The following SYNE3 variants were observed in gnomAD, a reference collection of about 807,000 sequenced individuals.
The protein encoded by SYNE3 is nesprin-3.
SYNE3 carries 100 observed loss-of-function variants against 111.2 expected under a neutral mutation model. The observed-to-expected ratio is 0.90, with a 90% confidence interval of 0.77 to 1.06. The LOEUF is 1.06. Ranked by LOEUF, SYNE3 falls within the 50% of genes least tolerant of loss-of-function variation. SYNE3 has a pLI of 0.00. For missense variants in SYNE3, 1,160 were observed against 1,240.3 expected (o/e 0.94, Z 0.97); for synonymous variants, 547 against 533.9 (o/e 1.02, Z -0.34).
At chr14:95,512,930 CAG>C (rs1285943417) in intron 1 of SYNE3, among the ~76,000 whole-genome samples, 3 of 152,102 alleles carry the variant, frequency 2.0e-5, no homozygotes, top group Non-Finnish European at 4.4e-5. Context: ...ACTGAAGAAA[CAG>C]AACATAATGG....
chr14:95,445,660 G>T (rs1886669528), intron 9 of SYNE3, among the ~76,000 whole-genome samples: 1 of 152,232 alleles, frequency 6.6e-6, no homozygotes, highest in East Asian at 1.9e-4. Flanking sequence ...TTTGATTGCA[G>T]GGGGTTTGGG....
chr14:95,440,621 C>A (rs756943946), intron 11 of SYNE3, among the ~76,000 whole-genome samples: 1 of 152,204 alleles, frequency 6.6e-6, no homozygotes, highest in Non-Finnish European at 1.5e-5. Context: ...TAACCACATG[C>A]AATACAGCAG....
rs1381836356 is a variant in SYNE3 at position 95,465,340 on chromosome 14, T to TA, written c.627+590_627+591insT. On this transcript the variant is annotated intron_variant, in intron 4 of 17. Transcript: ENST00000682763. ...CACTGGGTATCTGGACGGTAGATAA[T>TA]GGTGAGTGGGTGGTGGAAGAGTTGG... is the stretch of plus-strand genomic sequence containing the variant. 2.1e-4 allele frequency among the ~76,000 whole-genome samples: 13 copies of TA among 63,068 alleles called. No homozygotes were observed. In the East Asian group the frequency reaches 4.1e-3, roughly 20 times the overall value. The allele number at this position is 63,068 out of a possible 152,430, so 41.4% of individuals were successfully genotyped here. A position where few individuals can be genotyped will look rare whatever the true frequency, so the allele number is the denominator to read the frequency against.
chr14:95,445,312 G>A (rs4905310), intron 9 of SYNE3, among the ~76,000 whole-genome samples: 82,389 of 152,038 alleles, frequency 0.54, 22,555 homozygotes, highest in East Asian at 0.74. Flanking sequence ...TGTGTAAAAC[G>A]AGAAAAATAA....
chr14:95,502,932 T>C (rs984373273), intron 1 of SYNE3, among the ~76,000 whole-genome samples: 2 of 152,060 alleles, frequency 1.3e-5, no homozygotes, highest in African/African-American at 2.4e-5. Context: ...CAGAAAACAG[T>C]CAGAGTGGTG....
rs566185678 is a variant in SYNE3 at position 95,418,014 on chromosome 14, G to A, written c.2740C>T (p.Arg914Ter). 41 of 1,609,952 alleles carry A rather than the reference G, an allele frequency of 2.5e-5. No individual in the cohort carries two copies. In the South Asian group the frequency reaches 3.7e-4, roughly 15 times the overall value. Residue 914 changes from arginine (R) to a stop codon, truncating the protein, a stop_gained, in exon 18 of 18, where the codon CGA becomes TGA. Coordinates refer to ENST00000682763, the MANE Select transcript of SYNE3 (RefSeq NM_152592.6). LOFTEE classifies it low-confidence loss of function (END_TRUNC). ...PTGFQKTRRW[R>*]GLGSLFRRAC... Reference sequence around the variant, plus strand: ...CTCCGGAAGAGGGAGCCCAGTCCTCGCCACCGCCGAGTCTGCGGAACCAAC... The same window carrying A: ...CTCCGGAAGAGGGAGCCCAGTCCTCACCACCGCCGAGTCTGCGGAACCAAC...
At position 95,466,008 on chromosome 14, in the gene SYNE3, T is replaced by G; in HGVS notation, c.550A>C (p.Ile184Leu). The G allele has an allele frequency of 1.9e-6, 3 of 1,611,086 alleles. No homozygotes were observed. Among genetic ancestry groups the G allele is most frequent in the Non-Finnish European group, 2.5e-6 (3 of 1,177,472 alleles). ...LEEAASLFNRIGDPSVDEDAQ... is the reference protein window; with the variant it reads ...LEEAASLFNRLGDPSVDEDAQ... Reference sequence around the variant, plus strand: ...TCTTCGTCCACGCTGGGGTCCCCGATCCTGTTGAACAGGGAGGCTGCCTCC... The same window carrying G: ...TCTTCGTCCACGCTGGGGTCCCCGAGCCTGTTGAACAGGGAGGCTGCCTCC... Residue 184 changes from isoleucine (I) to leucine (L), a missense_variant, in exon 4 of 18, where the codon ATC becomes CTC. Ile to Leu is a conservative substitution (Grantham distance 5). Transcript: ENST00000682763.
At chr14:95,468,786 C>T (rs1030820337) in intron 2 of SYNE3, among the ~76,000 whole-genome samples, 2 of 152,206 alleles carry the variant, frequency 1.3e-5, no homozygotes, top group Non-Finnish European at 2.9e-5. Flanking sequence ...TTGGTGTCAG[C>T]TTCTTGGAGG....
At chr14:95,505,542 G>T (rs770427147) in intron 1 of SYNE3, among the ~76,000 whole-genome samples, 9 of 152,034 alleles carry the variant, frequency 5.9e-5, no homozygotes, top group African/African-American at 9.7e-5. Context: ...GTGCATTACG[G>T]TCATGATTTT....
Position 95,419,578 on chromosome 14 carries a change from C to T in SYNE3, c.2728-1552G>A, listed in dbSNP as rs139468504. Among the ~76,000 whole-genome samples, 784 of 152,054 alleles carry T rather than the reference C, an allele frequency of 5.2e-3. 9 individuals are homozygous for T. Among genetic ancestry groups the T allele is most frequent in the African/African-American group, 0.018 (758 of 41,452 alleles). ...GCTCCCTAAAGAACCAAGGTTCACC[C>T]TCCAGGGCACCAAAAGCCACAGTCC... On this transcript the variant is annotated intron_variant, in intron 17 of 17. Coordinates refer to ENST00000682763, the MANE Select transcript of SYNE3 (RefSeq NM_152592.6).
rs1013537103 is a variant in SYNE3 at position 95,485,629 on chromosome 14, G to A, written c.-14-9794C>T. On this transcript the variant is annotated intron_variant, in intron 1 of 17. Transcript: ENST00000682763. This position sits in a 1 kb window ranked among gnomAD's most constrained non-coding sequence, Gnocchi z 4.3. ...CGTTTTTTTCCCTCTGCCCTCACCA[G>A]GCTGTCTCCTCTCCCTCTCCCCTTA... 6.6e-6 allele frequency among the ~76,000 whole-genome samples: 1 copy of A among 151,932 alleles called. No homozygotes were observed. Among genetic ancestry groups the A allele is most frequent in the Non-Finnish European group, 1.5e-5 (1 of 67,960 alleles).
At chr14:95,473,218 C>T (rs941594141) in intron 2 of SYNE3, among the ~76,000 whole-genome samples, 1 of 152,118 alleles carries the variant, frequency 6.6e-6, no homozygotes, top group East Asian at 1.9e-4. Flanking sequence ...TGGACTCCCA[C>T]CCCCTCGGGG....
chr14:95,469,568 G>A (rs372839687), intron 2 of SYNE3, among the ~76,000 whole-genome samples: 5 of 150,234 alleles, frequency 3.3e-5, no homozygotes, highest in African/African-American at 9.8e-5. Context: ...AAAATTAGCC[G>A]GATGTAGTGG....
At chr14:95,440,124 G>A in intron 11 of SYNE3, 49 bp from the exon 12 acceptor site, 2 of 1,542,476 alleles carry the variant, frequency 1.3e-6, no homozygotes, top group Non-Finnish European at 1.7e-6. Context: ...CTGGCCGAGG[G>A]GGAGACCCCC....
intron 1 of SYNE3, among the ~76,000 whole-genome samples, chr14:95,495,066 C>A (rs1036640355): frequency 6.6e-6 from 1 of 150,640 alleles, no homozygotes; most frequent in Admixed American, 6.6e-5. Flanking sequence ...GAGCCGAGAT[C>A]ATGCCATTGC....
In SYNE3 at chr14:95,446,091, C is replaced by A; in HGVS notation, c.1450G>T (p.Ala484Ser). Residue 484 changes from alanine (A) to serine (S), a missense_variant and splice_region_variant, in exon 9 of 18, where the codon GCA becomes TCA. By Grantham distance (99) the Ala-to-Ser change is moderately conservative. Coordinates refer to ENST00000682763, the MANE Select transcript of SYNE3 (RefSeq NM_152592.6). The part of the protein sequence containing the change: ...SLHTFLPQIE[A>S]ALMESSRLKE... Reference sequence around the variant, plus strand: ...AGGCGGGAGCTTTCCATCAGGGCTGCCTGTGGGAGACAAGGCTTCCGTGAA... The same window carrying A: ...AGGCGGGAGCTTTCCATCAGGGCTGACTGTGGGAGACAAGGCTTCCGTGAA... The A allele has an allele frequency of 6.2e-7, 1 of 1,613,892 alleles. No homozygotes were observed. Among genetic ancestry groups the A allele is most frequent in the Non-Finnish European group, 8.5e-7 (1 of 1,179,982 alleles).
chr14:95,446,435 C>G (rs956556148), intron 8 of SYNE3, among the ~76,000 whole-genome samples: 1 of 152,182 alleles, frequency 6.6e-6, no homozygotes, highest in African/African-American at 2.4e-5. Context: ...CTGGACCACA[C>G]AGCTCCTGAA....
chr14:95,430,868 C>A (rs535482336), intron 17 of SYNE3, among the ~76,000 whole-genome samples: 2 of 151,516 alleles, frequency 1.3e-5, no homozygotes, highest in Admixed American at 6.6e-5. Flanking sequence ...GGAAAGTGAA[C>A]CCCAAGGGGC....
At chr14:95,482,628 G>A (rs753041572) in intron 1 of SYNE3, among the ~76,000 whole-genome samples, 15 of 152,022 alleles carry the variant, frequency 9.9e-5, no homozygotes, top group Non-Finnish European at 1.9e-4. Context: ...GTCATGTGGC[G>A]GGCATTATTT....
Sources: gnomAD v4.1 joint callset for allele counts (sites outside exome capture counted in the v4.1 genomes callset) on GRCh38, gnomAD v4.1.1 for gene constraint, Gnocchi (gnomAD v3.1) non-coding constraint, MANE v1.5 for transcripts, NCBI Gene and HGNC (gene_info 2026-07-23, HGNC 2026-07-21) for gene names.